Variants in PIGG observed in about 807,000 individuals in gnomAD.
PIGG encodes the protein phosphatidylinositol glycan anchor biosynthesis class G (EMM blood group).
PIGG carries 70 observed loss-of-function variants against 83.2 expected under a neutral mutation model. That is an observed-to-expected ratio of 0.84 (90% CI 0.69 to 1.03). The LOEUF (loss-of-function observed/expected upper bound fraction) is 1.03, where lower values mean the gene tolerates loss of function less well. Among genes scored for constraint, PIGG ranks in the 50% least tolerant of loss-of-function variants. PIGG has a pLI of 0.00. For missense variants in PIGG, 1,257 were observed against 1,233.6 expected, an observed-to-expected ratio of 1.02 and a Z score of -0.28; for synonymous variants, 532 against 519.5, an observed-to-expected ratio of 1.02 and a Z score of -0.33.
chr4:520,940 G>A (rs1336534352), intron 6 of PIGG, 116 bp from the exon 7 acceptor site: 6 of 721,858 alleles, frequency 8.3e-6, no homozygotes, highest in African/African-American at 3.5e-5. Flanking sequence ...AGCGTCAGTT[G>A]TGAAAAGTGA....
chr4:523,855 C>G lies in PIGG; in HGVS notation c.2011C>G (p.Leu671Val), dbSNP rs944153904. The G allele has an allele frequency of 2.5e-6, 4 of 1,589,364 alleles. No homozygotes were observed. The highest frequency in any genetic ancestry group is 2.3e-5 in the East Asian group (1 of 43,354). ...ILACCRLLRS[L>V]NQTGVQWAHR... ...GGCCTGCTGCCGGCTGCTGCGCTCC[C>G]TAAACCAGACAGGTGTGCAGTGGGC... is the stretch of plus-strand genomic sequence containing the variant. Residue 671 changes from leucine (L) to valine (V), a missense_variant, in exon 9 of 13, where the codon CTA becomes GTA. Leu to Val is a conservative substitution (Grantham distance 32, BLOSUM62 1). Transcript: ENST00000453061.
chr4:536,603 G>C (rs548790797), intron 12 of PIGG: 2 of 152,382 alleles, frequency 1.3e-5, no homozygotes, highest in South Asian at 4.1e-4. Context: ...TGTCTCAGCA[G>C]CTGCCCTGGG....
chr4:528,578 G>A lies in PIGG; in HGVS notation c.2261+1348G>A, dbSNP rs1003185257. 111 of 985,280 alleles carry A rather than the reference G, an allele frequency of 1.1e-4. No individual in the cohort carries two copies. The highest frequency in any genetic ancestry group is 2.8e-4 in the South Asian group (6 of 21,290). The allele number at this position is 985,280 out of a possible 1,614,324, so 61.0% of individuals were successfully genotyped here. A position where few individuals can be genotyped will look rare whatever the true frequency, so the allele number is the denominator to read the frequency against. ...GGCCTGGGGCAGAGAGGATGCTGAC[G>A]TGCAGGTACCAGCGGTGTTCTGTGG... is the stretch of plus-strand genomic sequence containing the variant. On this transcript the variant is annotated intron_variant, in intron 10 of 12. Coordinates refer to ENST00000453061, the MANE Select transcript of PIGG (RefSeq NM_001127178.3). This position sits in a 1 kb window ranked among gnomAD's most constrained non-coding sequence, Gnocchi z 4.8.
rs1719497803 is a variant in PIGG, at chr4:505,879, T to G, written c.522T>G (p.Phe174Leu). 1 of 1,613,230 alleles carries G rather than the reference T, an allele frequency of 6.2e-7. No individual in the cohort carries two copies. The highest frequency in any genetic ancestry group is 2.2e-5 in the East Asian group (1 of 44,876). ...ETWVKLFPKH[F>L]VEYDGTTSFF... ...GGGTTAAATTATTCCCAAAGCATTTTGTGGAATATGATGGAACAACCTCAT... is the reference window on the plus strand; with the variant it reads ...GGGTTAAATTATTCCCAAAGCATTTGGTGGAATATGATGGAACAACCTCAT... The change falls in exon 3 of 13, where the codon TTT (phenylalanine) becomes TTG (leucine). Residue 174 changes from phenylalanine to leucine, a missense_variant. Transcript: ENST00000453061.
chr4:526,615 CAA>C (rs1727689433), intron 9 of PIGG, among the ~76,000 whole-genome samples: 1 of 152,110 alleles, frequency 6.6e-6, no homozygotes, highest in South Asian at 2.1e-4. Flanking sequence ...TACCAGGGAA[CAA>C]GAGGACGGTT....
chr4:517,004 G>T (rs1483153616), intron 6 of PIGG, among the ~76,000 whole-genome samples: 1 of 152,168 alleles, frequency 6.6e-6, no homozygotes, highest in Admixed American at 6.5e-5. Flanking sequence ...TCCTCCATGG[G>T]GCGCACATTC....
At chr4:522,529 A>G (rs1254873807) in intron 8 of PIGG, 1 of 183,574 alleles carries the variant, frequency 5.4e-6, no homozygotes, top group Non-Finnish European at 1.2e-5. Flanking sequence ...GCGGATGGTC[A>G]CACTCAGATC....
Position 521,648 on chromosome 4 carries a change from T to C in PIGG, c.1333-12T>C, listed in dbSNP as rs1331218494. On this transcript the variant is annotated splice_polypyrimidine_tract_variant and intron_variant, in intron 7 of 12. Transcript: ENST00000453061. ...CCAGCAGTCTGTGGATGCTGCTGTTTCTCTGTTCCAGGTTCTCACCCTGCT... is the reference window on the plus strand; with the variant it reads ...CCAGCAGTCTGTGGATGCTGCTGTTCCTCTGTTCCAGGTTCTCACCCTGCT... 1 of 1,611,284 alleles carries C rather than the reference T, an allele frequency of 6.2e-7. No individual in the cohort carries two copies. Among genetic ancestry groups the C allele is most frequent in the East Asian group, 2.2e-5 (1 of 44,816 alleles).
In PIGG at chr4:507,532, G is replaced by T. The variant is rs782576736; in HGVS notation, c.698G>T (p.Gly233Val). ...HISGPNSPLIGQKLSEMDSVL... is the reference protein window; with the variant it reads ...HISGPNSPLIVQKLSEMDSVL... The stretch of plus-strand genomic sequence containing the variant: ...TCAGGGCCCAACAGCCCCCTGATTG[G>T]GCAGAAGCTGAGCGAGATGGACAGC... The change falls in exon 4 of 13, where the codon GGG (glycine) becomes GTG (valine). Residue 233 changes from glycine (G) to valine (V), a missense_variant. Transcript: ENST00000453061. The T allele has an allele frequency of 6.2e-7, 1 of 1,614,198 alleles. No homozygotes were observed. The highest frequency in any genetic ancestry group is 8.5e-7 in the Non-Finnish European group (1 of 1,180,034).
chr4:509,388 C>T (rs1721066304), intron 5 of PIGG, among the ~76,000 whole-genome samples: 1 of 152,330 alleles, frequency 6.6e-6, no homozygotes, highest in Admixed American at 6.5e-5. Context: ...GACAGAGGCC[C>T]CGTCTGTCAG....
chr4:521,988 GGTT>G, intron 8 of PIGG, 47 bp downstream of exon 8: 1 of 1,597,058 alleles, frequency 6.3e-7, no homozygotes, highest in Non-Finnish European at 8.6e-7. Context: ...CTTCTGCTCA[GGTT>G]GTTCTTGTTA....
intron 9 of PIGG, chr4:525,443 G>A (rs908588613): frequency 3.9e-6 from 3 of 766,086 alleles, no homozygotes; most frequent in African/African-American, 1.9e-5. Flanking sequence ...GAGAACTCCT[G>A]TAAGAAATGG....
chr4:535,149 G>T (rs1198921534), intron 12 of PIGG, among the ~76,000 whole-genome samples: 2 of 152,202 alleles, frequency 1.3e-5, no homozygotes, highest in Non-Finnish European at 2.9e-5. Context: ...GGAGTGTGGC[G>T]GGGGTGGGTG....
chr4:523,799 G>C lies in PIGG; in HGVS notation c.1955G>C (p.Trp652Ser). Reference sequence around the variant, plus strand: ...GAAGTGCTCAGAGGCCGCGAGAAGTGGATGGTGCTGGCCAGTCCGTGGCTA... The same window carrying C: ...GAAGTGCTCAGAGGCCGCGAGAAGTCGATGGTGCTGGCCAGTCCGTGGCTA... ...TSEVLRGREK[W>S]MVLASPWLIL... Residue 652 changes from tryptophan to serine, a missense_variant, in exon 9 of 13, where the codon TGG becomes TCG. Physicochemically the swap from Trp to Ser is radical, Grantham distance 177. Coordinates refer to ENST00000453061, the MANE Select transcript of PIGG (RefSeq NM_001127178.3). 3 of 1,613,602 alleles carry C rather than the reference G, an allele frequency of 1.9e-6. No individual in the cohort carries two copies. The African/African-American group carries it at 4.0e-5, about 21-fold the overall frequency.
intron 11 of PIGG, chr4:532,448 C>G (rs549746581): frequency 2.6e-5 from 4 of 152,372 alleles, no homozygotes; most frequent in African/African-American, 9.6e-5. Context: ...CCTGTTTGCT[C>G]TCTCCTCAGT....
At chr4:531,303 C>T (rs1365314395) in intron 11 of PIGG, 1 of 167,534 alleles carries the variant, frequency 6.0e-6, no homozygotes, top group Non-Finnish European at 1.3e-5. Flanking sequence ...GAGAGCAGGC[C>T]AGATGGGGCC....
At chr4:533,275 G>T in intron 11 of PIGG, 1 of 158,660 alleles carries the variant, frequency 6.3e-6, no homozygotes, top group African/African-American at 2.4e-5. Flanking sequence ...TTGCACCAGG[G>T]GCTGTGCTCC....
rs369077734 is a variant in PIGG, at chr4:509,604, C to T, written c.901+634C>T. On this transcript the variant is annotated intron_variant, in intron 5 of 12. Transcript: ENST00000453061. ...AATTTCTGCCGTCAGGCACAGCAGACGCTTTCGGGCGCTGCTCTCACTGAC... is the reference window on the plus strand; with the variant it reads ...AATTTCTGCCGTCAGGCACAGCAGATGCTTTCGGGCGCTGCTCTCACTGAC... 3.0e-4 allele frequency among the ~76,000 whole-genome samples: 45 copies of T among 152,382 alleles called. 1 individual carries two copies. The East Asian group carries it at 4.2e-3, about 14-fold the overall frequency.
At chr4:520,275 G>T (rs945808598) in intron 6 of PIGG, among the ~76,000 whole-genome samples, 1 of 152,254 alleles carries the variant, frequency 6.6e-6, no homozygotes, top group African/African-American at 2.4e-5. Context: ...TTGCTTTGCA[G>T]ACCAGTCTAA....
Sources: allele counts gnomAD v4.1 joint callset (sites outside exome capture counted in the v4.1 genomes callset), GRCh38; gene constraint gnomAD v4.1.1; non-coding constraint Gnocchi (gnomAD v3.1); transcripts MANE v1.5; gene names NCBI Gene and HGNC (gene_info 2026-07-23, HGNC 2026-07-21).